Variants in MALT1 observed in about 807,000 individuals in gnomAD.
The protein encoded by MALT1 is MALT1 paracaspase, also known as mucosa-associated lymphoid tissue lymphoma translocation protein 1.
In MALT1, 36 loss-of-function variants were observed where a neutral mutation model predicts 85.5. The ratio of observed to expected loss-of-function variants is 0.42; its 90% CI spans 0.32 to 0.56. The LOEUF (loss-of-function observed/expected upper bound fraction) is 0.56. Among genes scored for constraint, MALT1 ranks in the 20% least tolerant of loss-of-function variants. The pLI, the probability that MALT1 is intolerant of heterozygous loss-of-function variation, is 0.10. For missense variants in MALT1, 716 were observed against 981.6 expected, an observed-to-expected ratio of 0.73 and a Z score of 3.62; for synonymous variants, 359 against 361.3, an observed-to-expected ratio of 0.99 and a Z score of 0.07.
chr18:58,730,749 G>A lies in MALT1; in HGVS notation c.1223-2648G>A, dbSNP rs903251306. ...ACACCATTTTACATTTGTGCCACCA[G>A]AAATGAATGAGGGTTCCAATTTCTC... On this transcript the variant is annotated intron_variant, in intron 10 of 16. Transcript: ENST00000649217. Among the ~76,000 whole-genome samples the A allele has an allele frequency of 7.9e-4, 121 of 152,316 alleles. 1 individual carries two copies. The highest frequency in any genetic ancestry group is 1.0e-3 in the South Asian group (5 of 4,824).
intron 13 of MALT1, among the ~76,000 whole-genome samples, chr18:58,737,541 G>C (rs1406222471): frequency 6.6e-6 from 1 of 151,664 alleles, no homozygotes; most frequent in African/African-American, 2.4e-5. Context: ...AAGCCAAGCA[G>C]TTGAAGGGGA....
chr18:58,696,241 T>A, intron 2 of MALT1, 125 bp from the exon 3 acceptor site: 1 of 735,610 alleles, frequency 1.4e-6, no homozygotes. Context: ...TGTGAATGAG[T>A]GATTTATGAC....
At chr18:58,679,673 G>C (rs1483908552) in intron 1 of MALT1, among the ~76,000 whole-genome samples, 1 of 152,070 alleles carries the variant, frequency 6.6e-6, no homozygotes, top group African/African-American at 2.4e-5. Flanking sequence ...TGTGCCTCCT[G>C]AGTAGCTGGG....
intron 2 of MALT1, 129 bp downstream of exon 2, chr18:58,681,465 T>C (rs1053788288): frequency 3.8e-5 from 30 of 791,102 alleles, no homozygotes; most frequent in Middle Eastern, 2.6e-4. Flanking sequence ...CCTTGTTTGC[T>C]TTCCCAGGTT....
intron 10 of MALT1, among the ~76,000 whole-genome samples, chr18:58,725,635 T>G (rs1229626244): frequency 3.9e-5 from 6 of 152,208 alleles, no homozygotes; most frequent in Admixed American, 3.9e-4. Context: ...ATTGATCAGT[T>G]TAGGTTTCTG....
intron 10 of MALT1, among the ~76,000 whole-genome samples, chr18:58,731,764 C>T (rs1265744975): frequency 6.7e-6 from 1 of 148,242 alleles, no homozygotes; most frequent in Non-Finnish European, 1.5e-5. Context: ...TGCTTGATAA[C>T]ATAAACGTGT....
chr18:58,683,187 A>C (rs911052937), intron 2 of MALT1, among the ~76,000 whole-genome samples: 3 of 152,180 alleles, frequency 2.0e-5, no homozygotes, highest in Non-Finnish European at 4.4e-5. Flanking sequence ...TCTCATACCT[A>C]GTAAAGTCTC....
intron 10 of MALT1, among the ~76,000 whole-genome samples, chr18:58,728,757 T>C (rs1194126801): frequency 2.0e-5 from 3 of 152,198 alleles, no homozygotes; most frequent in Non-Finnish European, 2.9e-5. Flanking sequence ...AGAAAAAATA[T>C]TTTGGTGTTA....
In MALT1 at chr18:58,700,926, G is replaced by A. The variant is rs139149326; in HGVS notation, c.649+335G>A. On this transcript the variant is annotated intron_variant, in intron 4 of 16. Coordinates refer to ENST00000649217, the MANE Select transcript of MALT1 (RefSeq NM_006785.4). ...TCTTGCCTTATCCTCCTGAGTAGCTGGGATTACAGGCACATGCTATCACAC... is the reference window on the plus strand; with the variant it reads ...TCTTGCCTTATCCTCCTGAGTAGCTAGGATTACAGGCACATGCTATCACAC... Among the ~76,000 whole-genome samples the A allele has an allele frequency of 4.6e-5, 7 of 152,118 alleles. No individual in the cohort carries two copies. In the East Asian group the frequency reaches 1.4e-3, roughly 29 times the overall value.
At chr18:58,721,596 A>C (rs2054983947) in intron 9 of MALT1, among the ~76,000 whole-genome samples, 1 of 152,160 alleles carries the variant, frequency 6.6e-6, no homozygotes. Flanking sequence ...GCTTTTCACA[A>C]AGTAGAGTTT....
Position 58,742,027 on chromosome 18 carries a change from C to A in MALT1, c.1753+13C>A, listed in dbSNP as rs1486759901. ...GCCAAGGCTCATGGTACGGTAAAGC[C>A]CATTTTTTGTTAGATCTACAATATA... On this transcript the variant is annotated intron_variant, in intron 14 of 16. Transcript: ENST00000649217. The A allele has an allele frequency of 6.8e-7, 1 of 1,474,218 alleles. No homozygotes were observed. Among genetic ancestry groups the A allele is most frequent in the Non-Finnish European group, 9.2e-7 (1 of 1,090,970 alleles). 91.3% of individuals were successfully genotyped at this position (1,474,218 alleles called of 1,614,324 possible).
In MALT1 at chr18:58,675,082, C is replaced by T. The variant is rs527540912; in HGVS notation, c.209+3230C>T. Among the ~76,000 whole-genome samples, 10 of 152,326 alleles carry T rather than the reference C, an allele frequency of 6.6e-5. No individual in the cohort carries two copies. In the East Asian group the frequency reaches 1.5e-3, roughly 23 times the overall value. On this transcript the variant is annotated intron_variant, in intron 1 of 16. Coordinates refer to ENST00000649217, the MANE Select transcript of MALT1 (RefSeq NM_006785.4). ...TTTGGGAATGTGCTATAGTCAGACC[C>T]GGCCCTGATTCCATTCAAGACTGAC...
At chr18:58,691,343 G>A in intron 2 of MALT1, 1 of 852,184 alleles carries the variant, frequency 1.2e-6, no homozygotes, top group South Asian at 1.3e-5. Context: ...AGATGATCCT[G>A]TTTGCTTTTG....
intron 13 of MALT1, among the ~76,000 whole-genome samples, 178 bp downstream of exon 13, chr18:58,735,507 A>G (rs182098580): frequency 2.0e-5 from 3 of 152,246 alleles, no homozygotes; most frequent in East Asian, 3.9e-4. Context: ...CTGCTATTTA[A>G]TGTCATCTTT....
intron 2 of MALT1, among the ~76,000 whole-genome samples, chr18:58,681,720 AT>A (rs1194891306): frequency 7.2e-5 from 11 of 152,308 alleles, no homozygotes; most frequent in Admixed American, 7.2e-4. Flanking sequence ...ATGAACATAT[AT>A]TTATTCCTAT....
At chr18:58,728,903 G>A (rs1251264025) in intron 10 of MALT1, among the ~76,000 whole-genome samples, 1 of 152,126 alleles carries the variant, frequency 6.6e-6, no homozygotes, top group Non-Finnish European at 1.5e-5. Flanking sequence ...ATCAAGTCTT[G>A]CTGGAGCCAG....
chr18:58,733,977 G>A, intron 11 of MALT1: 1 of 1,161,376 alleles, frequency 8.6e-7, no homozygotes, highest in African/African-American at 1.6e-5. Context: ...GCAGATGTTT[G>A]GAGGTTTGGA....
intron 4 of MALT1, among the ~76,000 whole-genome samples, chr18:58,703,840 A>G (rs1311266358): frequency 1.3e-5 from 2 of 152,186 alleles, no homozygotes; most frequent in African/African-American, 2.4e-5. Context: ...ATACAGTACA[A>G]TGTACAGATA....
rs1568127652 is a variant in MALT1, at chr18:58,689,917, C to G, written c.377-6449C>G. ...ATAGAAGGAAGGAGGCCCAGTATGG[C>G]TGGAGCTTGGTGAGCCTGGAGAAGA... is the stretch of plus-strand genomic sequence containing the variant. On this transcript the variant is annotated intron_variant, in intron 2 of 16. Coordinates refer to ENST00000649217, the MANE Select transcript of MALT1 (RefSeq NM_006785.4). Among the ~76,000 whole-genome samples, 4 of 152,292 alleles carry G rather than the reference C, an allele frequency of 2.6e-5. No homozygotes were observed. The East Asian group carries it at 5.8e-4, about 22-fold the overall frequency.
Sources: allele counts gnomAD v4.1 joint callset (sites outside exome capture counted in the v4.1 genomes callset), GRCh38; gene constraint gnomAD v4.1.1; transcripts MANE v1.5; gene names NCBI Gene and HGNC (gene_info 2026-07-23, HGNC 2026-07-21).